The following SAP30BP variants were observed in gnomAD, a reference collection of about 807,000 sequenced individuals.
The protein encoded by SAP30BP is SAP30 binding protein.
A neutral mutation model predicts 46.3 loss-of-function variants in SAP30BP; 31 were observed. That is an observed-to-expected ratio of 0.67 (90% CI 0.50 to 0.90). The LOEUF (loss-of-function observed/expected upper bound fraction) is 0.90, where lower values mean the gene tolerates loss of function less well. Ranked by LOEUF, SAP30BP falls within the 40% of genes least tolerant of loss-of-function variation. SAP30BP has a pLI of 0.00. For missense variants in SAP30BP, 312 were observed against 391.0 expected, an observed-to-expected ratio of 0.80 and a Z score of 1.70; for synonymous variants, 169 against 144.2, an observed-to-expected ratio of 1.17 and a Z score of -1.23.
In SAP30BP at chr17:75,667,431, C is replaced by G; in HGVS notation, c.59C>G (p.Pro20Arg). Residue 20 changes from proline (P) to arginine (R), a missense_variant, in exon 1 of 11, where the codon CCC becomes CGC. By Grantham distance (103) the Pro-to-Arg change is moderately radical. This residue lies in a region of SAP30BP where 296 missense variants were observed against 346.6 expected (regional missense o/e 0.85). Transcript: ENST00000584667. ...GCAGTTTACGCGGAAGATTCAGAGC[C>G]CGAGTCTGATGGCGAGGCTGGAATC... ...SLAVYAEDSE[P>R]ESDGEAGIEA... is the part of the protein sequence containing the mutation. The G allele has an allele frequency of 6.2e-7, 1 of 1,614,166 alleles. No individual in the cohort carries two copies. Among genetic ancestry groups the G allele is most frequent in the Non-Finnish European group, 8.5e-7 (1 of 1,180,040 alleles).
rs760639301 is a variant in SAP30BP, at chr17:75,693,477, T to A, written c.302T>A (p.Leu101His). ...GCAGAAAAGCGAGACCCCCAGGAACTCGTGGGTGAGTATTGGGGGATCCTG... is the reference window on the plus strand; with the variant it reads ...GCAGAAAAGCGAGACCCCCAGGAACACGTGGGTGAGTATTGGGGGATCCTG... ...TEAEKRDPQE[L>H]VASFSERVRN... is the part of the protein sequence containing the mutation. Residue 101 changes from leucine to histidine, a missense_variant, in exon 4 of 11, where the codon CTC (leucine) becomes CAC (histidine). Leu to His is a moderately conservative substitution (Grantham distance 99). Around this residue, in one of 2 missense-constraint regions of SAP30BP, gnomAD observed 296 missense variants for 346.6 expected, o/e 0.85. Transcript: ENST00000584667. 6.2e-7 allele frequency: 1 copy of A among 1,613,870 alleles called. No homozygotes were observed. The highest frequency in any genetic ancestry group is 2.2e-5 in the East Asian group (1 of 44,894).
intron 4 of SAP30BP, among the ~76,000 whole-genome samples, chr17:75,696,027 A>T (rs2060312398): frequency 6.6e-6 from 1 of 152,108 alleles, no homozygotes. Flanking sequence ...TCCTGCACAG[A>T]TCCCTCCCTG....
chr17:75,693,527 C>T (rs749739411), intron 4 of SAP30BP, 45 bp downstream of exon 4: 3 of 1,592,712 alleles, frequency 1.9e-6, no homozygotes, highest in Non-Finnish European at 1.7e-6. Flanking sequence ...AGCCTTGCTC[C>T]TAGCAGCCTG....
intron 4 of SAP30BP, among the ~76,000 whole-genome samples, chr17:75,699,173 CTT>C (rs1291776649): frequency 1.3e-5 from 2 of 152,140 alleles, no homozygotes; most frequent in African/African-American, 2.4e-5. Context: ...ACCCCCATCT[CTT>C]TGTTTTATTT....
intron 3 of SAP30BP, among the ~76,000 whole-genome samples, chr17:75,686,607 A>G (rs2060161166): frequency 6.6e-6 from 1 of 152,130 alleles, no homozygotes; most frequent in African/African-American, 2.4e-5. Context: ...AGCAAAGGCA[A>G]CCCCAGCGTG....
Position 75,699,992 on chromosome 17 carries a change from A to G in SAP30BP, c.396+121A>G. On this transcript the variant is annotated intron_variant, in intron 5 of 10. Transcript: ENST00000584667. ...AGGGACTGAGGCTTCTATAAAAGAA[A>G]CTGACAGGTGGGAAGGATCCCACAG... 1.3e-5 allele frequency: 9 copies of G among 701,154 alleles called. No homozygotes were observed. In the East Asian group the frequency reaches 2.2e-4, roughly 17 times the overall value. The allele number at this position is 701,154 out of a possible 1,614,324, so 43.4% of individuals were successfully genotyped here. A position where few individuals can be genotyped will look rare whatever the true frequency, so the allele number is the denominator to read the frequency against.
chr17:75,669,668 G>A (rs1391452114), intron 2 of SAP30BP, among the ~76,000 whole-genome samples: 1 of 152,172 alleles, frequency 6.6e-6, no homozygotes, highest in Non-Finnish European at 1.5e-5. Context: ...TGGGATTACA[G>A]GTATGAGCCA....
At chr17:75,671,907 T>C in intron 3 of SAP30BP, 44 bp downstream of exon 3, 1 of 1,497,996 alleles carries the variant, frequency 6.7e-7, no homozygotes, top group Non-Finnish European at 9.3e-7. Flanking sequence ...GCAAACAAGG[T>C]GTTTGAACAC....
chr17:75,703,955 T>A (rs2060455011), intron 8 of SAP30BP, 96 bp downstream of exon 8: 2 of 936,762 alleles, frequency 2.1e-6, no homozygotes. Flanking sequence ...TATTTCAGGG[T>A]CTACTCTATG....
intron 3 of SAP30BP, among the ~76,000 whole-genome samples, chr17:75,683,068 A>C (rs1437107086): frequency 7.0e-6 from 1 of 143,584 alleles, no homozygotes; most frequent in African/African-American, 2.5e-5. Context: ...TTTTTGAGAC[A>C]GAGTCTCACT....
rs186110532 is a variant in SAP30BP, at chr17:75,690,930, C to T, written c.265-2510C>T. ...GCGCTGGCCTCCTCCTGAGCGTGCA[C>T]GCTTATATGGCTTCTGAGCTGGCCA... On this transcript the variant is annotated intron_variant, in intron 3 of 10. Coordinates refer to ENST00000584667, the MANE Select transcript of SAP30BP (RefSeq NM_013260.8). Among the ~76,000 whole-genome samples, 690 of 152,302 alleles carry T rather than the reference C, an allele frequency of 4.5e-3. 2 individuals carry two copies. Among genetic ancestry groups the T allele is most frequent in the Non-Finnish European group, 7.7e-3 (526 of 68,032 alleles).
chr17:75,685,661 C>T (rs2060145099), intron 3 of SAP30BP, among the ~76,000 whole-genome samples: 1 of 152,232 alleles, frequency 6.6e-6, no homozygotes, highest in South Asian at 2.1e-4. Context: ...TTCTCAACCT[C>T]ACAAAGCTGT....
At chr17:75,692,115 TG>T in intron 3 of SAP30BP, 1 of 563,070 alleles carries the variant, frequency 1.8e-6, no homozygotes, top group Non-Finnish European at 2.3e-6. Flanking sequence ...GGCCTGGACG[TG>T]GTGCCCTGCC....
rs1008252984 is a variant in SAP30BP at position 75,678,991 on chromosome 17, GT to G, written c.264+7148del. On this transcript the variant is annotated intron_variant, in intron 3 of 10. Transcript: ENST00000584667. ...CTGTTTCTAGAGGTTTTTCAGGCAAGTTTTTTTTTTTTTTTTTTTTGAGACG... is the reference window on the plus strand; with the variant it reads ...CTGTTTCTAGAGGTTTTTCAGGCAAGTTTTTTTTTTTTTTTTTTTGAGACG... 5.6e-3 allele frequency among the ~76,000 whole-genome samples: 747 copies of G among 134,446 alleles called. 1 individual carries two copies. Among genetic ancestry groups the G allele is most frequent in the African/African-American group, 0.011 (389 of 36,726 alleles). 88.2% of individuals were successfully genotyped at this position (134,446 alleles called of 152,430 possible).
chr17:75,689,726 T>C (rs2148401590), intron 3 of SAP30BP, among the ~76,000 whole-genome samples: 1 of 152,360 alleles, frequency 6.6e-6, no homozygotes, highest in East Asian at 1.9e-4. Context: ...TTCAAAACGC[T>C]GCTGGCGGGG....
intron 3 of SAP30BP, among the ~76,000 whole-genome samples, chr17:75,680,899 T>C (rs1210491440): frequency 6.6e-6 from 1 of 152,092 alleles, no homozygotes; most frequent in African/African-American, 2.4e-5. Flanking sequence ...CCAGGCATGG[T>C]AGTGTGTGCC....
At position 75,707,990 on chromosome 17, in the gene SAP30BP, G is replaced by A. The variant is rs1040835379; in HGVS notation, c.*1469G>A. 2 of 152,172 alleles carry A rather than the reference G, an allele frequency of 1.3e-5. No individual in the cohort carries two copies. The highest frequency in any genetic ancestry group is 2.9e-5 in the Non-Finnish European group (2 of 68,018). The allele number at this position is 152,172 out of a possible 1,614,324, so 9.4% of individuals were successfully genotyped here. On this transcript the variant is annotated 3_prime_UTR_variant, in exon 11 of 11. Transcript: ENST00000584667. The stretch of plus-strand genomic sequence containing the variant: ...TTCTCTGAAATCACAGTAATAAAGC[G>A]TCGTAAGATGGTTGGGAAGAACCAG...
intron 4 of SAP30BP, among the ~76,000 whole-genome samples, chr17:75,695,737 G>C (rs572401779): frequency 2.0e-5 from 3 of 152,300 alleles, no homozygotes; most frequent in African/African-American, 7.2e-5. Context: ...GTCCATGCAT[G>C]TAGACAGCCC....
At chr17:75,677,427 A>G (rs962213927) in intron 3 of SAP30BP, among the ~76,000 whole-genome samples, 9 of 133,074 alleles carry the variant, frequency 6.8e-5, no homozygotes, top group African/African-American at 2.5e-4. Flanking sequence ...CTTAAGTGAA[A>G]CTGGCTTTTT....
Sources: allele counts gnomAD v4.1 joint callset (sites outside exome capture counted in the v4.1 genomes callset), GRCh38; gene constraint gnomAD v4.1.1; regional missense constraint gnomAD v4.1.1; transcripts MANE v1.5; gene names NCBI Gene and HGNC (gene_info 2026-07-23, HGNC 2026-07-21).